The following FGF13 variants were observed in gnomAD, a reference collection of about 807,000 sequenced individuals.
The protein encoded by FGF13 is fibroblast growth factor 13, also known as fibroblast growth factor homologous factor 2.
A neutral mutation model predicts 19.5 loss-of-function variants in FGF13; 2 were observed. That is an observed-to-expected ratio of 0.10 (90% CI 0.04 to 0.32). The LOEUF is 0.32. Among genes scored for constraint, FGF13 ranks in the 10% least tolerant of loss-of-function variants. The pLI is 1.00. For missense variants in FGF13, 113 were observed against 192.7 expected, an observed-to-expected ratio of 0.59 and a Z score of 2.45; for synonymous variants, 72 against 76.9, an observed-to-expected ratio of 0.94 and a Z score of 0.33.
intron 1 of FGF13, among the ~76,000 whole-genome samples, chrX:138,914,197 C>T (rs185340710): frequency 1.2e-3 from 132 of 107,377 alleles, no homozygotes; most frequent in Non-Finnish European, 2.1e-3. Context: ...CAGCAAGTAG[C>T]TCATGGCCAA....
rs137898365 is a variant in FGF13, at chrX:138,692,747, T to C, written c.402+10237A>G. 7.1e-3 allele frequency among the ~76,000 whole-genome samples: 794 copies of C among 111,234 alleles called. 6 individuals carry two copies. The highest frequency in any genetic ancestry group is 0.025 in the African/African-American group (762 of 30,688). ...GTGTGTGTGTGTGTGTAAATCCCCTTACATCTGGCTTTACTTGCTAAAATT... is the reference window on the plus strand; with the variant it reads ...GTGTGTGTGTGTGTGTAAATCCCCTCACATCTGGCTTTACTTGCTAAAATT... On this transcript the variant is annotated intron_variant, in intron 3 of 4. Transcript: ENST00000315930.
chrX:138,792,130 A>G (rs1044121790), intron 3 of FGF13, among the ~76,000 whole-genome samples: 1 of 112,059 alleles, frequency 8.9e-6, no homozygotes, highest in Non-Finnish European at 1.9e-5. Context: ...ACTGAGATAC[A>G]TATCTGCATT....
At chrX:138,991,682 T>A (rs1381524011) in intron 1 of FGF13, among the ~76,000 whole-genome samples, 2 of 112,222 alleles carry the variant, frequency 1.8e-5, no homozygotes, top group Non-Finnish European at 3.8e-5. Context: ...TGACTATATT[T>A]CCTTAAAGAC....
At chrX:138,984,732 A>AAGGAGGAGGAG (rs2091986748) in intron 1 of FGF13, among the ~76,000 whole-genome samples, 2 of 9,572 alleles carry the variant, frequency 2.1e-4, no homozygotes, top group African/African-American at 4.9e-4. Context: ...AACAAGAAGA[A>AAGGAGGAGGAG]GAGAAGGAGG....
chrX:138,829,219 C>T (rs1011346826), intron 3 of FGF13, among the ~76,000 whole-genome samples: 5 of 111,734 alleles, frequency 4.5e-5, no homozygotes, highest in African/African-American at 1.6e-4. Flanking sequence ...TTTGTCCCCA[C>T]TAAATCTCAT....
At chrX:139,015,836 G>C (rs1015334391) in intron 1 of FGF13, among the ~76,000 whole-genome samples, 9 of 111,783 alleles carry the variant, frequency 8.1e-5, no homozygotes, top group Non-Finnish European at 1.7e-4. Flanking sequence ...AATCAAAACA[G>C]CATGGTACTG....
At chrX:138,782,815 T>C (rs2090656985) in intron 3 of FGF13, among the ~76,000 whole-genome samples, 1 of 100,143 alleles carries the variant, frequency 1.0e-5, no homozygotes, top group African/African-American at 3.7e-5. Context: ...AAAAACTACT[T>C]TAAAGTTCAT....
intron 1 of FGF13, among the ~76,000 whole-genome samples, chrX:139,022,638 G>A (rs1163046445): frequency 1.8e-5 from 2 of 110,464 alleles, no homozygotes; most frequent in Non-Finnish European, 3.8e-5. Context: ...AACCACATTC[G>A]ACCACCAGAA....
At chrX:139,105,511 G>A (rs2083553587) in intron 1 of FGF13, among the ~76,000 whole-genome samples, 1 of 111,715 alleles carries the variant, frequency 9.0e-6, no homozygotes, top group African/African-American at 3.3e-5. Context: ...AGGCCTGGAT[G>A]TAAACCATCA....
chrX:138,768,002 G>A (rs752735627), intron 3 of FGF13, among the ~76,000 whole-genome samples: 3 of 112,069 alleles, frequency 2.7e-5, no homozygotes, highest in Non-Finnish European at 5.6e-5. Flanking sequence ...TCTACTGTGG[G>A]AATATCTTCT....
At chrX:138,697,506 A>G (rs2089907155) in intron 3 of FGF13, among the ~76,000 whole-genome samples, 2 of 109,594 alleles carry the variant, frequency 1.8e-5, no homozygotes, top group Admixed American at 2.0e-4. Flanking sequence ...AAAACGTGAC[A>G]GTAAAATCAC....
intron 1 of FGF13, among the ~76,000 whole-genome samples, chrX:139,121,173 T>C (rs1031071756): frequency 1.8e-4 from 20 of 112,203 alleles, no homozygotes; most frequent in Non-Finnish European, 2.8e-4. Context: ...CAATAGAGCT[T>C]GTCACAAAAT....
intron 3 of FGF13, among the ~76,000 whole-genome samples, chrX:138,771,050 G>T (rs375777023): frequency 9.0e-6 from 1 of 111,587 alleles, no homozygotes; most frequent in East Asian, 2.8e-4. Flanking sequence ...GGGGATTTTG[G>T]AGGTGACATT....
At chrX:139,144,792 G>GA (rs1002082319) in intron 1 of FGF13, among the ~76,000 whole-genome samples, 2 of 110,043 alleles carry the variant, frequency 1.8e-5, no homozygotes. Context: ...TTTCTTGGGG[G>GA]AAAAAAACAG....
At chrX:138,755,013 A>G (rs1049310084) in intron 3 of FGF13, among the ~76,000 whole-genome samples, 1 of 111,826 alleles carries the variant, frequency 8.9e-6, no homozygotes, top group Non-Finnish European at 1.9e-5. Context: ...GCTGTAATAA[A>G]TCTTAGCCAG....
At chrX:138,999,328 C>A (rs1416293982) in intron 1 of FGF13, among the ~76,000 whole-genome samples, 2 of 111,182 alleles carry the variant, frequency 1.8e-5, no homozygotes, top group Non-Finnish European at 3.8e-5. Context: ...TAATAAATAC[C>A]TAAGATCAGA....
At chrX:139,008,362 G>A (rs1047634285) in intron 1 of FGF13, among the ~76,000 whole-genome samples, 12 of 112,301 alleles carry the variant, frequency 1.1e-4, no homozygotes, top group Non-Finnish European at 1.9e-4. Flanking sequence ...TCTTGAAAGC[G>A]TCACCTCCTG....
intron 3 of FGF13, among the ~76,000 whole-genome samples, chrX:138,692,676 C>A (rs1285862789): frequency 9.1e-6 from 1 of 110,431 alleles, no homozygotes; most frequent in African/African-American, 3.3e-5. Context: ...TATAACATTA[C>A]ATTTTTCCAT....
chrX:138,984,585 A>AGG (rs2091982158), intron 1 of FGF13, among the ~76,000 whole-genome samples: 16 of 18,320 alleles, frequency 8.7e-4, no homozygotes, highest in East Asian at 2.2e-3. Flanking sequence ...GAAGAAGAAG[A>AGG]AGAAGGAGGA....
Sources: gnomAD v4.1 joint callset for allele counts (sites outside exome capture counted in the v4.1 genomes callset) on GRCh38, gnomAD v4.1.1 for gene constraint, MANE v1.5 for transcripts, NCBI Gene and HGNC (gene_info 2026-07-23, HGNC 2026-07-21) for gene names.